USH2A: variants seen among roughly 807,000 people sequenced by gnomAD.
USH2A encodes the protein Usher syndrome 2A (autosomal recessive, mild).
In USH2A, 443 loss-of-function variants were observed where a neutral mutation model predicts 538.9. The observed-to-expected ratio is 0.82, with a 90% CI of 0.76 to 0.89. The LOEUF (loss-of-function observed/expected upper bound fraction) is 0.89, where lower values mean the gene tolerates loss of function less well. Ranked by LOEUF, USH2A falls within the 40% of genes least tolerant of loss-of-function variation. USH2A has a pLI of 0.00. For missense variants in USH2A, 6,633 were observed against 6,324.8 expected, an observed-to-expected ratio of 1.05 and a Z score of -1.65; for synonymous variants, 2,413 against 2,273.5, an observed-to-expected ratio of 1.06 and a Z score of -1.75.
rs992483379 is a variant in USH2A, at chr1:215,728,016, C to G, written c.12066+14G>C. The stretch of plus-strand genomic sequence containing the variant: ...GATAATCTGCATGTCTGTTACTTTT[C>G]TAAAGGGTCTTACCTTCACTGTGAA... On this transcript the variant is annotated intron_variant, in intron 61 of 71. Coordinates refer to ENST00000307340, the MANE Select transcript of USH2A (RefSeq NM_206933.4). The G allele has an allele frequency of 4.3e-6, 7 of 1,612,968 alleles. No individual in the cohort carries two copies. The highest frequency in any genetic ancestry group is 5.9e-6 in the Non-Finnish European group (7 of 1,179,458).
chr1:215,854,873 A>G (rs1664117744), intron 44 of USH2A, among the ~76,000 whole-genome samples: 1 of 152,222 alleles, frequency 6.6e-6, no homozygotes, highest in Non-Finnish European at 1.5e-5. Context: ...AGATGGAGCC[A>G]CTATGTTGAA....
At chr1:216,299,312 T>A (rs1000934376) in intron 9 of USH2A, among the ~76,000 whole-genome samples, 2 of 151,282 alleles carry the variant, frequency 1.3e-5, no homozygotes, top group Admixed American at 1.3e-4. Flanking sequence ...AATAGAGAAA[T>A]ATATTCATAA....
At chr1:216,267,289 C>T (rs1487507477) in intron 11 of USH2A, among the ~76,000 whole-genome samples, 1 of 152,102 alleles carries the variant, frequency 6.6e-6, no homozygotes, top group East Asian at 1.9e-4. Context: ...AGACAGAGGT[C>T]CTTGGAGACC....
At chr1:215,998,441 T>G (rs960347117) in intron 34 of USH2A, among the ~76,000 whole-genome samples, 1 of 152,112 alleles carries the variant, frequency 6.6e-6, no homozygotes, top group East Asian at 1.9e-4. Flanking sequence ...AACCAGAATG[T>G]AATAACAATC....
At chr1:215,961,283 C>A (rs920159245) in intron 37 of USH2A, among the ~76,000 whole-genome samples, 1 of 151,562 alleles carries the variant, frequency 6.6e-6, no homozygotes, top group African/African-American at 2.4e-5. Context: ...TATATATTAT[C>A]ATAATTACTT....
chr1:215,984,871 A>G (rs1221684592), intron 35 of USH2A, among the ~76,000 whole-genome samples: 2 of 152,208 alleles, frequency 1.3e-5, no homozygotes, highest in Admixed American at 6.5e-5. Context: ...TGAATGTGGC[A>G]GATATCTCCC....
chr1:215,866,392 G>A (rs1317979934), intron 44 of USH2A, among the ~76,000 whole-genome samples: 7 of 152,136 alleles, frequency 4.6e-5, no homozygotes, highest in Admixed American at 4.6e-4. Flanking sequence ...TGTTAAAAAA[G>A]TGTTCCCAGC....
intron 61 of USH2A, among the ~76,000 whole-genome samples, chr1:215,710,372 C>A (rs976132530): frequency 3.3e-5 from 5 of 152,122 alleles, no homozygotes; most frequent in African/African-American, 1.2e-4. Flanking sequence ...CAACAGGGTG[C>A]AATAATACAG....
chr1:215,875,693 C>G (rs1021554124), intron 43 of USH2A, among the ~76,000 whole-genome samples: 1 of 151,598 alleles, frequency 6.6e-6, no homozygotes, highest in Non-Finnish European at 1.5e-5. Flanking sequence ...TAGCTCATGG[C>G]TAAAACTCAG....
At chr1:215,744,355 G>T (rs1263021070) in intron 58 of USH2A, among the ~76,000 whole-genome samples, 1 of 152,170 alleles carries the variant, frequency 6.6e-6, no homozygotes, top group Admixed American at 6.5e-5. Context: ...CCTCGTCAAA[G>T]TCTATTTATA....
chr1:216,308,667 A>G (rs954547415), intron 9 of USH2A, among the ~76,000 whole-genome samples: 1 of 152,160 alleles, frequency 6.6e-6, no homozygotes, highest in Admixed American at 6.6e-5. Context: ...AAATTCTTCT[A>G]TGCTGATGGT....
intron 36 of USH2A, among the ~76,000 whole-genome samples, chr1:215,966,846 A>T (rs1667359388): frequency 6.6e-6 from 1 of 152,210 alleles, no homozygotes; most frequent in Non-Finnish European, 1.5e-5. Flanking sequence ...ATTAAGGGCA[A>T]TTCCAGATAA....
At chr1:216,291,457 A>AT (rs913949085) in intron 10 of USH2A, among the ~76,000 whole-genome samples, 5 of 151,814 alleles carry the variant, frequency 3.3e-5, no homozygotes, top group Non-Finnish European at 7.4e-5. Flanking sequence ...AAGACAGAAA[A>AT]TTCATTGTCT....
intron 3 of USH2A, among the ~76,000 whole-genome samples, chr1:216,396,231 C>A (rs1035792825): frequency 6.6e-6 from 1 of 151,908 alleles, no homozygotes; most frequent in Non-Finnish European, 1.5e-5. Flanking sequence ...CAAATGGACA[C>A]AATTCTGATA....
rs149807281 is a variant in USH2A, at chr1:215,648,741, T to G, written c.14369A>C (p.Gln4790Pro). The G allele has an allele frequency of 2.5e-5, 41 of 1,614,048 alleles. No individual in the cohort carries two copies. Among genetic ancestry groups the G allele is most frequent in the Non-Finnish European group, 3.1e-5 (37 of 1,180,036 alleles). Residue 4790 changes from glutamine (Q) to proline (P), a missense_variant, in exon 66 of 72, where the codon CAG becomes CCG. Gln to Pro is a moderately conservative substitution (Grantham distance 76, BLOSUM62 -1). Transcript: ENST00000307340. ...GAAGGCTTGAAGGCCATGGAGAGTCTGCTGGGTGGCCATGCCTTCGGATAG... is the reference window on the plus strand; with the variant it reads ...GAAGGCTTGAAGGCCATGGAGAGTCGGCTGGGTGGCCATGCCTTCGGATAG... ...TVLSEGMATQ[Q>P]TLHGLQAFTN...
At chr1:216,025,464 T>C (rs1378058136) in intron 32 of USH2A, among the ~76,000 whole-genome samples, 1 of 151,992 alleles carries the variant, frequency 6.6e-6, no homozygotes, top group Admixed American at 6.6e-5. Context: ...AGTGTTAGTA[T>C]TTTCGAGCTA....
At chr1:216,168,097 AT>A (rs2034205553) in intron 21 of USH2A, among the ~76,000 whole-genome samples, 3 of 152,184 alleles carry the variant, frequency 2.0e-5, no homozygotes, top group Admixed American at 1.3e-4. Context: ...CATACACAAA[AT>A]AATTCATCTT....
chr1:216,073,205 C>T lies in USH2A; in HGVS notation c.5668G>A (p.Gly1890Arg), dbSNP rs2102549065. Residue 1890 changes from glycine to arginine, a missense_variant, in exon 28 of 72, where the codon GGA becomes AGA. Coordinates refer to ENST00000307340, the MANE Select transcript of USH2A (RefSeq NM_206933.4). The part of the protein sequence containing the change: ...SSGAVRVNLD[G>R]CLSTDSAVNC... Reference sequence around the variant, plus strand: ...ACAGCACTGTCAGTTGATAGGCATCCATCCAGATTGACTCTGACAGCACCG... The same window carrying T: ...ACAGCACTGTCAGTTGATAGGCATCTATCCAGATTGACTCTGACAGCACCG... The T allele has an allele frequency of 6.2e-7, 1 of 1,613,880 alleles. No homozygotes were observed. Among genetic ancestry groups the T allele is most frequent in the Non-Finnish European group, 8.5e-7 (1 of 1,179,950 alleles).
chr1:215,764,061 T>G (rs1409741522), intron 56 of USH2A, among the ~76,000 whole-genome samples: 2 of 152,030 alleles, frequency 1.3e-5, no homozygotes, highest in Admixed American at 6.6e-5. Context: ...AGGTTAAAGT[T>G]TTTGAAAAAC....
Sources: gnomAD v4.1 joint callset for allele counts (sites outside exome capture counted in the v4.1 genomes callset) on GRCh38, gnomAD v4.1.1 for gene constraint, MANE v1.5 for transcripts, NCBI Gene and HGNC (gene_info 2026-07-23, HGNC 2026-07-21) for gene names.